Variants in EPB41L4A observed in about 807,000 individuals in gnomAD.
The protein encoded by EPB41L4A is band 4.1-like protein 4A.
In EPB41L4A, 100 loss-of-function variants were observed where a neutral mutation model predicts 108.6. The observed-to-expected ratio is 0.92, with a 90% CI of 0.78 to 1.09. EPB41L4A has a LOEUF of 1.09. Among genes scored for constraint, EPB41L4A ranks in the 50% least tolerant of loss-of-function variants. The probability of loss-of-function intolerance (pLI) is 0.00; values close to 1 mark genes in which losing one functional copy is unlikely to be tolerated. For missense variants in EPB41L4A, 1,030 were observed against 842.7 expected (o/e 1.22, Z -2.75); for synonymous variants, 319 against 289.0 (o/e 1.10, Z -1.05).
intron 21 of EPB41L4A, 41 bp downstream of exon 21, chr5:112,168,954 G>T (rs752307560): frequency 6.5e-7 from 1 of 1,532,756 alleles, no homozygotes; most frequent in Admixed American, 1.7e-5. Context: ...CACTGTTTTG[G>T]AGCCATGATG....
At chr5:112,410,175 A>T (rs997864282) in intron 1 of EPB41L4A, among the ~76,000 whole-genome samples, 3 of 152,130 alleles carry the variant, frequency 2.0e-5, no homozygotes, top group Admixed American at 6.5e-5. Context: ...GGTGAGAGGG[A>T]ATGTGGAAAA....
chr5:112,150,444 C>T (rs189147921), intron 12 of EPB41L4A, among the ~76,000 whole-genome samples: 195 of 151,792 alleles, frequency 1.3e-3, no homozygotes, highest in African/African-American at 4.5e-3. Context: ...CCTAAATTAC[C>T]TACATCTTTG....
chr5:112,403,104 C>T (rs564901164), intron 1 of EPB41L4A, among the ~76,000 whole-genome samples: 2 of 151,980 alleles, frequency 1.3e-5, no homozygotes, highest in East Asian at 3.9e-4. Context: ...TTTTTTCACC[C>T]CCATTCACAA....
intron 12 of EPB41L4A, among the ~76,000 whole-genome samples, chr5:112,214,399 G>C (rs1270619305): frequency 1.3e-5 from 2 of 152,046 alleles, no homozygotes; most frequent in African/African-American, 4.8e-5. Context: ...ATAAGAAAAG[G>C]GTATAACATA....
At chr5:112,304,745 C>T (rs543574773) in intron 2 of EPB41L4A, among the ~76,000 whole-genome samples, 1 of 152,250 alleles carries the variant, frequency 6.6e-6, no homozygotes, top group African/African-American at 2.4e-5. Context: ...TGTTCAATGC[C>T]TTATCATCTA....
chr5:112,308,286 A>AGT (rs1220312648), intron 1 of EPB41L4A, among the ~76,000 whole-genome samples: 1 of 152,198 alleles, frequency 6.6e-6, no homozygotes, highest in African/African-American at 2.4e-5. Context: ...AAATCCCACA[A>AGT]CAAGTCTCAC....
At chr5:112,261,781 G>A (rs778439461) in intron 7 of EPB41L4A, among the ~76,000 whole-genome samples, 8 of 151,924 alleles carry the variant, frequency 5.3e-5, no homozygotes, top group Non-Finnish European at 1.2e-4. Flanking sequence ...ATTGCCTAAC[G>A]CATCCTTTAC....
At chr5:112,418,842 G>C (rs1253136791) in intron 1 of EPB41L4A, 99 bp downstream of exon 1, 2 of 872,060 alleles carry the variant, frequency 2.3e-6, no homozygotes, top group East Asian at 2.6e-5. Flanking sequence ...GCAGAGTCGC[G>C]GCCGCCGCCC....
chr5:112,385,157 G>A (rs886262815), intron 1 of EPB41L4A, among the ~76,000 whole-genome samples: 7 of 152,142 alleles, frequency 4.6e-5, no homozygotes, highest in Admixed American at 1.3e-4. Context: ...ATGTGACCCC[G>A]ATCCTGACCA....
At chr5:112,302,535 T>C (rs978310262) in intron 2 of EPB41L4A, among the ~76,000 whole-genome samples, 17 of 152,164 alleles carry the variant, frequency 1.1e-4, no homozygotes, top group African/African-American at 3.6e-4. Context: ...TTTTTATAGA[T>C]TCCTTCAATC....
intron 1 of EPB41L4A, among the ~76,000 whole-genome samples, chr5:112,351,135 C>G (rs1204054562): frequency 4.6e-5 from 7 of 152,042 alleles, no homozygotes; most frequent in Admixed American, 4.6e-4. Context: ...TAATAAAGAT[C>G]AGAGCAGAAA....
rs190426574 is a variant in EPB41L4A, at chr5:112,395,429, G to A, written c.99+23512C>T. On this transcript the variant is annotated intron_variant, in intron 1 of 22. Coordinates refer to ENST00000261486, the MANE Select transcript of EPB41L4A (RefSeq NM_022140.5). ...AAACAAACAACCCCATCAACAAGTG[G>A]GCGAAGGATATGAACAGACGCTTCT... 6.5e-3 allele frequency among the ~76,000 whole-genome samples: 993 copies of A among 152,240 alleles called. 6 individuals are homozygous for A. Among genetic ancestry groups the A allele is most frequent in the South Asian group, 0.029 (138 of 4,814 alleles).
chr5:112,199,128 A>G (rs1316847418), intron 15 of EPB41L4A, among the ~76,000 whole-genome samples: 2 of 152,204 alleles, frequency 1.3e-5, no homozygotes, highest in Non-Finnish European at 2.9e-5. Context: ...TTTGAAAGTA[A>G]GTATATGTAA....
At chr5:112,194,907 A>G (rs1761886144) in intron 16 of EPB41L4A, among the ~76,000 whole-genome samples, 1 of 152,160 alleles carries the variant, frequency 6.6e-6, no homozygotes, top group East Asian at 1.9e-4. Flanking sequence ...CCCAGAACGG[A>G]CCGCAAAATC....
At chr5:112,173,138 C>A (rs1760678692) in intron 18 of EPB41L4A, among the ~76,000 whole-genome samples, 1 of 152,178 alleles carries the variant, frequency 6.6e-6, no homozygotes, top group South Asian at 2.1e-4. Flanking sequence ...TGTAAAGATC[C>A]ATTATGTGAG....
intron 12 of EPB41L4A, among the ~76,000 whole-genome samples, chr5:112,230,899 G>T (rs1371113361): frequency 1.3e-5 from 2 of 152,118 alleles, no homozygotes; most frequent in African/African-American, 4.8e-5. Context: ...CTCCGGCCTG[G>T]GTGGCACAGT....
At position 112,319,235 on chromosome 5, in the gene EPB41L4A, C is replaced by G. The variant is rs557624858; in HGVS notation, c.100-11745G>C. ...CTAGGAGCCAGCTTGACAGGACTCT[C>G]GCTAATCAAATTTGGGACAATCTGA... On this transcript the variant is annotated intron_variant, in intron 1 of 22. Coordinates refer to ENST00000261486, the MANE Select transcript of EPB41L4A (RefSeq NM_022140.5). 1.4e-3 allele frequency among the ~76,000 whole-genome samples: 219 copies of G among 152,168 alleles called. 1 individual carries two copies. Among genetic ancestry groups the G allele is most frequent in the Non-Finnish European group, 2.4e-3 (165 of 68,008 alleles).
At chr5:112,393,247 G>C (rs991969574) in intron 1 of EPB41L4A, among the ~76,000 whole-genome samples, 2 of 152,074 alleles carry the variant, frequency 1.3e-5, no homozygotes, top group Admixed American at 6.5e-5. Flanking sequence ...GATCAGAGCA[G>C]AACTGAAGGA....
At chr5:112,214,016 G>A (rs1221678225) in intron 12 of EPB41L4A, among the ~76,000 whole-genome samples, 1 of 152,210 alleles carries the variant, frequency 6.6e-6, no homozygotes, top group African/African-American at 2.4e-5. Flanking sequence ...GTTGGTGATT[G>A]AAATCTGCAG....
Sources: gnomAD v4.1 joint callset for allele counts (sites outside exome capture counted in the v4.1 genomes callset) on GRCh38, gnomAD v4.1.1 for gene constraint, MANE v1.5 for transcripts, NCBI Gene and HGNC (gene_info 2026-07-23, HGNC 2026-07-21) for gene names.